The following TRIM46 variants were observed in gnomAD, a reference collection of about 807,000 sequenced individuals.
TRIM46 encodes the protein tripartite motif-containing protein 46.
Under a neutral mutation model 69.7 loss-of-function variants are expected in TRIM46, and 17 were observed. The observed-to-expected ratio is 0.24, with a 90% CI of 0.17 to 0.37. TRIM46 has a LOEUF of 0.37. Among genes scored for constraint, TRIM46 ranks in the 10% least tolerant of loss-of-function variants. TRIM46 has a pLI of 1.00. For missense variants in TRIM46, 675 were observed against 1,025.1 expected (o/e 0.66, Z 4.66); for synonymous variants, 391 against 429.0 (o/e 0.91, Z 1.09).
At chr1:155,177,712 C>T (rs1221137300) in intron 5 of TRIM46, among the ~76,000 whole-genome samples, 1 of 152,140 alleles carries the variant, frequency 6.6e-6, no homozygotes, top group Non-Finnish European at 1.5e-5. Flanking sequence ...TTAGTGCAGT[C>T]CAAGTGGACA....
rs1462457310 is a variant in TRIM46 at position 155,179,810 on chromosome 1, C to T, written c.1464C>T (p.Gly488=). Residue 488 remains glycine, a synonymous_variant, in exon 8 of 10, where the codon GGC becomes GGT. Coordinates refer to ENST00000334634, the MANE Select transcript of TRIM46 (RefSeq NM_025058.5). ...TRWQRREEVR[G]TSALLENPDT... is the part of the protein sequence containing the mutation. Reference sequence around the variant, plus strand: ...GGCAGCGGCGGGAGGAGGTGAGGGGCACCAGTGCCCTGCTTGAGAACCCCG... The same window carrying T: ...GGCAGCGGCGGGAGGAGGTGAGGGGTACCAGTGCCCTGCTTGAGAACCCCG... 1 of 1,612,612 alleles carries T rather than the reference C, an allele frequency of 6.2e-7. No homozygotes were observed. The highest frequency in any genetic ancestry group is 8.5e-7 in the Non-Finnish European group (1 of 1,179,738).
At chr1:155,176,586 T>C (rs1400488700) in intron 3 of TRIM46, among the ~76,000 whole-genome samples, 1 of 152,242 alleles carries the variant, frequency 6.6e-6, no homozygotes, top group Non-Finnish European at 1.5e-5. Context: ...CCTATGTGCA[T>C]GGTGCTATTC....
Position 155,175,681 on chromosome 1 carries a change from C to A in TRIM46, c.325+34C>A, listed in dbSNP as rs143189884. 2 of 1,612,230 alleles carry A rather than the reference C, an allele frequency of 1.2e-6. No individual in the cohort carries two copies. The highest frequency in any genetic ancestry group is 8.5e-7 in the Non-Finnish European group (1 of 1,179,926). The stretch of plus-strand genomic sequence containing the variant: ...GGGGCCTGTAGGGTGGGGATGGGAA[C>A]GCTGAGCTATTCATCAGGAAGATGG... On this transcript the variant is annotated intron_variant, in intron 2 of 9. Coordinates refer to ENST00000334634, the MANE Select transcript of TRIM46 (RefSeq NM_025058.5). This position sits in a 1 kb window ranked among gnomAD's most constrained non-coding sequence, Gnocchi z 4.2.
At chr1:155,180,508 T>A in intron 8 of TRIM46, 1 of 394,430 alleles carries the variant, frequency 2.5e-6, no homozygotes, top group South Asian at 6.8e-5. Context: ...GGTAGGAGAA[T>A]CGCTTGAACC....
Position 155,184,510 on chromosome 1 carries a change from C to A in TRIM46, c.*320C>A. 1 of 284,278 alleles carries A rather than the reference C, an allele frequency of 3.5e-6. No individual in the cohort carries two copies. Among genetic ancestry groups the A allele is most frequent in the South Asian group, 5.7e-5 (1 of 17,576 alleles). The allele number at this position is 284,278 out of a possible 1,614,324, so 17.6% of individuals were successfully genotyped here. A position where few individuals can be genotyped will look rare whatever the true frequency, so the allele number is the denominator to read the frequency against. ...CTTCTCCATCCCTGTCCTGTGCCCC[C>A]CAGGCTGATTGGGAGGGAGGGCACC... On this transcript the variant is annotated 3_prime_UTR_variant, in exon 10 of 10. Coordinates refer to ENST00000334634, the MANE Select transcript of TRIM46 (RefSeq NM_025058.5). The surrounding 1 kb of genome is among the most constrained non-coding windows in gnomAD (Gnocchi z 5.6).
Position 155,177,270 on chromosome 1 carries a change from G to A in TRIM46, c.889G>A (p.Glu297Lys). 2 of 1,614,140 alleles carry A rather than the reference G, an allele frequency of 1.2e-6. No individual in the cohort carries two copies. The highest frequency in any genetic ancestry group is 1.7e-6 in the Non-Finnish European group (2 of 1,180,004). ...ACAGACCCAGATCTGTGAGCTGGAG[G>A]AGGCCGTGAGGCACACCGAGGTGAG... Reference protein sequence around the residue: ...TVQTQICELEEAVRHTEVSGQ... With the variant: ...TVQTQICELEKAVRHTEVSGQ... Residue 297 changes from glutamate to lysine, a missense_variant, in exon 5 of 10, where the codon GAG becomes AAG. Physicochemically the swap from Glu to Lys is moderately conservative, Grantham distance 56. Coordinates refer to ENST00000334634, the MANE Select transcript of TRIM46 (RefSeq NM_025058.5).
chr1:155,177,522 TGCATAGCTCAAAAAACCCCAC>T (rs958706555), intron 5 of TRIM46, among the ~76,000 whole-genome samples: 4 of 151,410 alleles, frequency 2.6e-5, no homozygotes, highest in Non-Finnish European at 5.9e-5. Context: ...AAAAACCCCA[TGCATAGCTCAAAAAACCCCAC>T]GCGTAGCTCA....
At chr1:155,183,673 A>G in intron 9 of TRIM46, 124 bp from the exon 10 acceptor site, 1 of 1,327,408 alleles carries the variant, frequency 7.5e-7, no homozygotes, top group Non-Finnish European at 1.0e-6. Flanking sequence ...TTTCTTCTCA[A>G]CACCCAAAAT....
chr1:155,179,833 C>T lies in TRIM46; in HGVS notation c.1487C>T (p.Pro496Leu). 2 of 1,613,456 alleles carry T rather than the reference C, an allele frequency of 1.2e-6. No homozygotes were observed. The highest frequency in any genetic ancestry group is 1.7e-6 in the Non-Finnish European group (2 of 1,179,888). The change falls in exon 8 of 10, where the codon CCC becomes CTC. Residue 496 changes from proline to leucine, a missense_variant. Transcript: ENST00000334634. ...GGCACCAGTGCCCTGCTTGAGAACC[C>T]CGACACGGGCTCTGTGTATGTGCTG... is the stretch of plus-strand genomic sequence containing the variant. ...VRGTSALLEN[P>L]DTGSVYVLRV... is the part of the protein sequence containing the mutation.
Position 155,178,543 on chromosome 1 carries a change from C to T in TRIM46, c.1215C>T (p.Ser405=), listed in dbSNP as rs1338525631. The T allele has an allele frequency of 4.3e-6, 7 of 1,614,034 alleles. No individual in the cohort carries two copies. The highest frequency in any genetic ancestry group is 4.0e-5 in the African/African-American group (3 of 74,948). ...AGACATTCCGGCCAGCTGCCAGCTCCTCCTTCCGCCATTGCCAGCTCGACG... is the reference window on the plus strand; with the variant it reads ...AGACATTCCGGCCAGCTGCCAGCTCTTCCTTCCGCCATTGCCAGCTCGACG... ...ALQTFRPAAS[S]SFRHCQLDVG... The change falls in exon 7 of 10, where the codon TCC becomes TCT. Residue 405 remains serine (S), a synonymous_variant. Coordinates refer to ENST00000334634, the MANE Select transcript of TRIM46 (RefSeq NM_025058.5).
chr1:155,183,241 G>A (rs1490653378), intron 9 of TRIM46, among the ~76,000 whole-genome samples: 3 of 151,950 alleles, frequency 2.0e-5, no homozygotes, highest in Admixed American at 2.0e-4. Flanking sequence ...TCCCACTAAT[G>A]CTTTGCATCC....
At chr1:155,178,739 T>TTGGCGCCCCC in intron 7 of TRIM46, 126 bp downstream of exon 7, 4 of 1,348,474 alleles carry the variant, frequency 3.0e-6, no homozygotes, top group Non-Finnish European at 4.1e-6. Context: ...CAGCCATTCC[T>TTGGCGCCCCC]CCCACCCAGC....
At chr1:155,180,898 G>T (rs1024267568) in intron 8 of TRIM46, among the ~76,000 whole-genome samples, 2 of 151,370 alleles carry the variant, frequency 1.3e-5, no homozygotes, top group Non-Finnish European at 2.9e-5. Context: ...CAACAAGAGT[G>T]AAACTCTGTC....
intron 1 of TRIM46, chr1:155,174,481 C>T (rs1338264639): frequency 9.8e-6 from 14 of 1,424,216 alleles, no homozygotes; most frequent in Non-Finnish European, 1.2e-5. Context: ...CCACTCAGGG[C>T]TGCTTCCGAG....
chr1:155,184,163 C>G lies in TRIM46; in HGVS notation c.2253C>G (p.Thr751=). Residue 751 remains threonine (T), a synonymous_variant, in exon 10 of 10, where the codon ACC becomes ACG. Transcript: ENST00000334634. The surrounding 1 kb of genome is among the most constrained non-coding windows in gnomAD (Gnocchi z 5.6). Reference sequence around the variant, plus strand: ...GCACTAAGCCTGAGAGGAAAGTCACCATTGGGGGCTTCGCCAAGCTGGACT... The same window carrying G: ...GCACTAAGCCTGAGAGGAAAGTCACGATTGGGGGCTTCGCCAAGCTGGACT... ...PVGTKPERKV[T]IGGFAKLD The G allele has an allele frequency of 6.2e-7, 1 of 1,612,128 alleles. No individual in the cohort carries two copies.
intron 1 of TRIM46, chr1:155,174,887 G>T (rs189635407): frequency 1.0e-4 from 141 of 1,407,604 alleles, no homozygotes; most frequent in Admixed American, 3.2e-5. Context: ...TGGAGTGGCC[G>T]CAGGCCGGAG....
At chr1:155,180,915 A>G (rs1413172561) in intron 8 of TRIM46, among the ~76,000 whole-genome samples, 1 of 151,282 alleles carries the variant, frequency 6.6e-6, no homozygotes, top group Non-Finnish European at 1.5e-5. Flanking sequence ...TGTCTCAATA[A>G]ATAAGTAAAT....
At chr1:155,183,101 G>A (rs967508126) in intron 9 of TRIM46, among the ~76,000 whole-genome samples, 16 of 151,724 alleles carry the variant, frequency 1.1e-4, no homozygotes, top group Middle Eastern at 3.4e-3. Flanking sequence ...TAGTAGAGAC[G>A]GGCTTTCACC....
At chr1:155,178,675 G>A in intron 7 of TRIM46, 62 bp downstream of exon 7, 9 of 1,599,192 alleles carry the variant, frequency 5.6e-6, no homozygotes, top group Non-Finnish European at 7.6e-6. Flanking sequence ...CCCAGCAGCG[G>A]GCCCGGGGGG....
Sources: gnomAD v4.1 joint callset for allele counts (sites outside exome capture counted in the v4.1 genomes callset) on GRCh38, gnomAD v4.1.1 for gene constraint, Gnocchi (gnomAD v3.1) non-coding constraint, MANE v1.5 for transcripts, NCBI Gene and HGNC (gene_info 2026-07-23, HGNC 2026-07-21) for gene names.